GRM1: variants seen among roughly 807,000 people sequenced by gnomAD.
The protein encoded by GRM1 is glutamate metabotropic receptor 1.
A neutral mutation model predicts 90.9 loss-of-function variants in GRM1; 33 were observed. That is an observed-to-expected ratio of 0.36 (90% CI 0.28 to 0.49). The LOEUF (loss-of-function observed/expected upper bound fraction) is 0.49, where lower values mean the gene tolerates loss of function less well. GRM1 is among the 20% of genes least tolerant of loss of function. The pLI is 0.99. For synonymous variants in GRM1, 700 were observed against 613.2 expected (o/e 1.14, Z -2.09); for missense variants, 1,190 against 1,534.3 (o/e 0.78, Z 3.75).
At chr6:146,155,887 T>C (rs1231193385) in intron 1 of GRM1, among the ~76,000 whole-genome samples, 1 of 152,332 alleles carries the variant, frequency 6.6e-6, no homozygotes, top group East Asian at 1.9e-4. Context: ...TGTAGCTTTC[T>C]GTAAAGGAGT....
intron 1 of GRM1, among the ~76,000 whole-genome samples, chr6:146,061,980 C>A (rs1247288108): frequency 6.6e-6 from 1 of 152,082 alleles, no homozygotes; most frequent in Non-Finnish European, 1.5e-5. Context: ...TTTGACCCAG[C>A]AATCCCATTA....
intron 1 of GRM1, among the ~76,000 whole-genome samples, chr6:146,145,442 C>G (rs1399623419): frequency 6.6e-6 from 1 of 152,174 alleles, no homozygotes; most frequent in Admixed American, 6.5e-5. Flanking sequence ...TGCCCAGGGC[C>G]ACTTCAGAAC....
chr6:146,323,434 G>T (rs572747335), intron 3 of GRM1, among the ~76,000 whole-genome samples: 36 of 152,054 alleles, frequency 2.4e-4, no homozygotes, highest in Non-Finnish European at 4.9e-4. Flanking sequence ...TTTTGATGGG[G>T]TTGTTTGTTT....
intron 3 of GRM1, among the ~76,000 whole-genome samples, chr6:146,342,730 T>C (rs967886494): frequency 3.3e-5 from 5 of 152,224 alleles, no homozygotes; most frequent in African/African-American, 9.6e-5. Flanking sequence ...CACATTATCA[T>C]TTATTTCCTG....
chr6:146,219,992 C>G (rs1277944124), intron 2 of GRM1, among the ~76,000 whole-genome samples: 2 of 151,706 alleles, frequency 1.3e-5, no homozygotes, highest in Non-Finnish European at 1.5e-5. Flanking sequence ...GGGAAGGTAT[C>G]AAGGAGGTAG....
intron 2 of GRM1, among the ~76,000 whole-genome samples, chr6:146,259,095 C>T (rs1781588519): frequency 6.6e-6 from 1 of 152,126 alleles, no homozygotes; most frequent in South Asian, 2.1e-4. Flanking sequence ...GGACTGGTCC[C>T]ATCACCTGGG....
At chr6:146,164,574 C>T (rs749056211) in intron 2 of GRM1, among the ~76,000 whole-genome samples, 2 of 152,100 alleles carry the variant, frequency 1.3e-5, no homozygotes, top group African/African-American at 4.8e-5. Context: ...CAGCCTGTAT[C>T]TGAACAATTC....
Position 146,343,411 on chromosome 6 carries a change from G to C in GRM1, c.1187-8839G>C, listed in dbSNP as rs575340528. Among the ~76,000 whole-genome samples, 4 of 152,240 alleles carry C rather than the reference G, an allele frequency of 2.6e-5. No individual in the cohort carries two copies. In the East Asian group the frequency reaches 7.7e-4, roughly 29 times the overall value. On this transcript the variant is annotated intron_variant, in intron 3 of 7. Transcript: ENST00000282753. Reference sequence around the variant, plus strand: ...ATTATGTTTCACCTTGCTGAGAACAGAGTATCTACATAAATTATTTGAAAT... The same window carrying C: ...ATTATGTTTCACCTTGCTGAGAACACAGTATCTACATAAATTATTTGAAAT...
intron 5 of GRM1, among the ~76,000 whole-genome samples, chr6:146,378,321 G>A (rs1189025053): frequency 1.3e-5 from 2 of 152,156 alleles, no homozygotes; most frequent in Non-Finnish European, 2.9e-5. Flanking sequence ...CACTTGCACT[G>A]TGTGCCTGGA....
chr6:146,213,684 TTAGATAGATAGA>T lies in GRM1; in HGVS notation c.950+54129_950+54140del, dbSNP rs750265154. 4.8e-3 allele frequency among the ~76,000 whole-genome samples: 710 copies of T among 146,430 alleles called. 3 individuals are homozygous for T. Among genetic ancestry groups the T allele is most frequent in the African/African-American group, 0.014 (535 of 39,150 alleles). ...GGAGATAGATAGATAGATGGAAAGA[TTAGATAGATAGA>T]TAGATAGATAGATAGATAGATAGAT... is the stretch of plus-strand genomic sequence containing the variant. On this transcript the variant is annotated intron_variant, in intron 2 of 7. Coordinates refer to ENST00000282753, the MANE Select transcript of GRM1 (RefSeq NM_001278064.2).
intron 2 of GRM1, among the ~76,000 whole-genome samples, chr6:146,237,522 ATTGT>A (rs1330759829): frequency 6.6e-5 from 8 of 121,700 alleles, no homozygotes; most frequent in South Asian, 5.4e-4. Context: ...TTTATGAATA[ATTGT>A]TTATTTATAA....
intron 1 of GRM1, among the ~76,000 whole-genome samples, chr6:146,104,486 A>G (rs1242135609): frequency 6.6e-6 from 1 of 152,136 alleles, no homozygotes; most frequent in Non-Finnish European, 1.5e-5. Flanking sequence ...CCTAGTGACA[A>G]TGTGTAAAAT....
chr6:146,332,578 A>C (rs746156866), intron 3 of GRM1, among the ~76,000 whole-genome samples: 3 of 152,188 alleles, frequency 2.0e-5, no homozygotes, highest in Non-Finnish European at 2.9e-5. Context: ...TTCTCACTTT[A>C]ATGGCCCATA....
chr6:146,085,306 G>A (rs989943746), intron 1 of GRM1, among the ~76,000 whole-genome samples: 1 of 151,990 alleles, frequency 6.6e-6, no homozygotes, highest in African/African-American at 2.4e-5. Context: ...ATGCTAAATG[G>A]CTTCTGCTTT....
intron 1 of GRM1, among the ~76,000 whole-genome samples, chr6:146,118,278 T>G (rs976292915): frequency 6.6e-6 from 1 of 151,516 alleles, no homozygotes; most frequent in Non-Finnish European, 1.5e-5. Context: ...TAGCTGGGAC[T>G]ACAGGCGCCC....
At chr6:146,269,568 G>A (rs976519219) in intron 2 of GRM1, among the ~76,000 whole-genome samples, 2 of 152,336 alleles carry the variant, frequency 1.3e-5, no homozygotes, top group South Asian at 4.1e-4. Flanking sequence ...TCTGTGGGCT[G>A]TTAGGAACTG....
At chr6:146,051,628 T>C (rs1775295558) in intron 1 of GRM1, among the ~76,000 whole-genome samples, 1 of 152,080 alleles carries the variant, frequency 6.6e-6, no homozygotes, top group Non-Finnish European at 1.5e-5. Context: ...TTCAAGATTT[T>C]CAGATAAGTG....
intron 2 of GRM1, among the ~76,000 whole-genome samples, chr6:146,191,652 A>G (rs1018354801): frequency 6.6e-5 from 10 of 152,128 alleles, no homozygotes; most frequent in African/African-American, 2.2e-4. Context: ...TCTGTTTTCT[A>G]TCTTGTTTCT....
intron 1 of GRM1, among the ~76,000 whole-genome samples, chr6:146,112,943 A>G (rs554888578): frequency 6.6e-6 from 1 of 152,242 alleles, no homozygotes; most frequent in Non-Finnish European, 1.5e-5. Flanking sequence ...GGAAACAATC[A>G]ATAGACAGGG....
Sources: allele counts gnomAD v4.1 joint callset (sites outside exome capture counted in the v4.1 genomes callset), GRCh38; gene constraint gnomAD v4.1.1; transcripts MANE v1.5; gene names NCBI Gene and HGNC (gene_info 2026-07-23, HGNC 2026-07-21).